The following FAM171A1 variants were observed in gnomAD, a reference collection of about 807,000 sequenced individuals.
FAM171A1 encodes family with sequence similarity 171 member A1.
FAM171A1 carries 23 observed loss-of-function variants against 74.9 expected under a neutral mutation model. The observed-to-expected ratio is 0.31, with a 90% CI of 0.22 to 0.44. The LOEUF is 0.44. FAM171A1 is among the 20% of genes least tolerant of loss of function. The probability of loss-of-function intolerance (pLI) is 1.00; values close to 1 mark genes in which losing one functional copy is unlikely to be tolerated. For synonymous variants in FAM171A1, 527 were observed against 505.7 expected (o/e 1.04, Z -0.57); for missense variants, 1,162 against 1,159.2 (o/e 1.00, Z -0.03).
intron 1 of FAM171A1, among the ~76,000 whole-genome samples, chr10:15,337,125 C>T (rs1835710504): frequency 6.6e-6 from 1 of 151,836 alleles, no homozygotes; most frequent in African/African-American, 2.4e-5. Context: ...AAGCAATCCT[C>T]CTGCCGTGGC....
At chr10:15,250,580 A>G (rs1386716091) in intron 4 of FAM171A1, among the ~76,000 whole-genome samples, 1 of 152,178 alleles carries the variant, frequency 6.6e-6, no homozygotes, top group Admixed American at 6.5e-5. Flanking sequence ...CAACATAGTG[A>G]AACCCCGTTT....
At chr10:15,295,569 C>G (rs1001537026) in intron 1 of FAM171A1, among the ~76,000 whole-genome samples, 1 of 152,144 alleles carries the variant, frequency 6.6e-6, no homozygotes. Context: ...TCCTCTTAAC[C>G]GCTTTTCATT....
At chr10:15,292,166 A>C (rs1005860371) in intron 1 of FAM171A1, among the ~76,000 whole-genome samples, 1 of 152,094 alleles carries the variant, frequency 6.6e-6, no homozygotes, top group African/African-American at 2.4e-5. Context: ...CACTAATCCC[A>C]TGCACAATGG....
chr10:15,271,671 A>G (rs1225120254), intron 3 of FAM171A1, among the ~76,000 whole-genome samples: 1 of 152,252 alleles, frequency 6.6e-6, no homozygotes, highest in African/African-American at 2.4e-5. Context: ...CCATCAGACT[A>G]ACAGCAGGTC....
rs566885168 is a variant in FAM171A1 at position 15,266,780 on chromosome 10, G to C, written c.418+9075C>G. Reference sequence around the variant, plus strand: ...GCTACTCAGGAGGCTGAGGTGAAAGGATTGCTTGAGTCTGGGAGGTCAAGG... The same window carrying C: ...GCTACTCAGGAGGCTGAGGTGAAAGCATTGCTTGAGTCTGGGAGGTCAAGG... On this transcript the variant is annotated intron_variant, in intron 3 of 7. Transcript: ENST00000378116. Among the ~76,000 whole-genome samples the C allele has an allele frequency of 3.0e-4, 46 of 151,190 alleles. 1 individual carries two copies. The highest frequency in any genetic ancestry group is 1.0e-3 in the African/African-American group (42 of 41,214).
intron 5 of FAM171A1, among the ~76,000 whole-genome samples, chr10:15,243,472 A>T (rs1834388861): frequency 6.6e-6 from 1 of 152,216 alleles, no homozygotes; most frequent in African/African-American, 2.4e-5. Context: ...TGTGAACTGT[A>T]TATAAAGTCC....
chr10:15,317,664 A>C (rs1835438975), intron 1 of FAM171A1, among the ~76,000 whole-genome samples: 1 of 152,248 alleles, frequency 6.6e-6, no homozygotes, highest in Non-Finnish European at 1.5e-5. Flanking sequence ...AAATGCTGGG[A>C]TTACAGGCGT....
chr10:15,353,247 G>A lies in FAM171A1; in HGVS notation c.97+17709C>T, dbSNP rs1835899177. On this transcript the variant is annotated intron_variant, in intron 1 of 7. Transcript: ENST00000378116. ...ACCAATCACCTCCAACCTCTGATGA[G>A]AAGGGAATATTGTGAATCATCAAAT... is the stretch of plus-strand genomic sequence containing the variant. 2.0e-5 allele frequency among the ~76,000 whole-genome samples: 3 copies of A among 152,350 alleles called. No individual in the cohort carries two copies. The South Asian group carries it at 6.2e-4, about 32-fold the overall frequency.
intron 1 of FAM171A1, among the ~76,000 whole-genome samples, chr10:15,293,514 A>C (rs1442280589): frequency 2.0e-5 from 3 of 148,402 alleles, no homozygotes; most frequent in African/African-American, 7.5e-5. Context: ...AATGTGCCAG[A>C]AAGCAAAAAG....
At chr10:15,331,878 T>A (rs539043122) in intron 1 of FAM171A1, among the ~76,000 whole-genome samples, 1 of 107,368 alleles carries the variant, frequency 9.3e-6, no homozygotes, top group African/African-American at 4.5e-5. Context: ...TGTGTGTGTA[T>A]ACATATATAT....
intron 2 of FAM171A1, among the ~76,000 whole-genome samples, chr10:15,283,235 A>G (rs1373662894): frequency 1.3e-5 from 2 of 152,144 alleles, no homozygotes; most frequent in Non-Finnish European, 2.9e-5. Flanking sequence ...ACCCACCTCC[A>G]CAGCTTGCCC....
intron 1 of FAM171A1, among the ~76,000 whole-genome samples, chr10:15,329,214 A>G (rs1835596897): frequency 6.6e-6 from 1 of 152,248 alleles, no homozygotes; most frequent in Admixed American, 6.5e-5. Context: ...AACTTGAACT[A>G]CAAACTGAGA....
intron 1 of FAM171A1, among the ~76,000 whole-genome samples, chr10:15,345,785 G>A (rs1357330345): frequency 1.3e-5 from 2 of 152,146 alleles, no homozygotes; most frequent in East Asian, 1.9e-4. Context: ...GCTGAGGAGA[G>A]CAAAGGTGCA....
intron 1 of FAM171A1, among the ~76,000 whole-genome samples, chr10:15,369,738 C>G (rs997674452): frequency 3.9e-5 from 6 of 152,214 alleles, no homozygotes; most frequent in African/African-American, 1.4e-4. Context: ...GTCTCTGCTC[C>G]CAGGCACCCT....
At chr10:15,298,923 T>C (rs950415807) in intron 1 of FAM171A1, among the ~76,000 whole-genome samples, 2 of 152,148 alleles carry the variant, frequency 1.3e-5, no homozygotes, top group Non-Finnish European at 2.9e-5. Context: ...TGGTATTTTA[T>C]TTACTTATTT....
At chr10:15,351,491 C>A (rs1835876039) in intron 1 of FAM171A1, among the ~76,000 whole-genome samples, 1 of 152,044 alleles carries the variant, frequency 6.6e-6, no homozygotes, top group African/African-American at 2.4e-5. Context: ...GATCTGAAAG[C>A]ACTTGAAAAT....
chr10:15,222,853 C>T (rs1006073634), intron 5 of FAM171A1, among the ~76,000 whole-genome samples: 12 of 152,244 alleles, frequency 7.9e-5, no homozygotes, highest in South Asian at 4.1e-4. Flanking sequence ...CCCCTTCCCA[C>T]GCCACAGGCT....
rs1833963187 is a variant in FAM171A1 at position 15,216,083 on chromosome 10, G to A, written c.899C>T (p.Thr300Met). ...GGCCAAAAGAAACACCGTGTGATACGTGGTAATGTCCTGTGTTACAACGGG... is the reference window on the plus strand; with the variant it reads ...GGCCAAAAGAAACACCGTGTGATACATGGTAATGTCCTGTGTTACAACGGG... Reference protein sequence around the residue: ...PGPVVTQDITTYHTVFLLAIL... With the variant: ...PGPVVTQDITMYHTVFLLAIL... Residue 300 changes from threonine to methionine, a missense_variant, in exon 7 of 8, where the codon ACG becomes ATG. Coordinates refer to ENST00000378116, the MANE Select transcript of FAM171A1 (RefSeq NM_001010924.2). 4 of 1,608,728 alleles carry A rather than the reference G, an allele frequency of 2.5e-6. No homozygotes were observed. Among genetic ancestry groups the A allele is most frequent in the South Asian group, 1.1e-5 (1 of 89,380 alleles).
chr10:15,291,953 T>G (rs1835106777), intron 1 of FAM171A1, among the ~76,000 whole-genome samples: 1 of 152,186 alleles, frequency 6.6e-6, no homozygotes, highest in Non-Finnish European at 1.5e-5. Context: ...AATTCTAGAA[T>G]GCATATATTT....
Sources: gnomAD v4.1 joint callset for allele counts (sites outside exome capture counted in the v4.1 genomes callset) on GRCh38, gnomAD v4.1.1 for gene constraint, MANE v1.5 for transcripts, NCBI Gene and HGNC (gene_info 2026-07-23, HGNC 2026-07-21) for gene names.